The following SLCO5A1 variants were observed in gnomAD, a reference collection of about 807,000 sequenced individuals.
The protein encoded by SLCO5A1 is solute carrier organic anion transporter family member 5A1.
SLCO5A1 carries 39 observed loss-of-function variants against 65.1 expected under a neutral mutation model. The ratio of observed to expected loss-of-function variants is 0.60; its 90% CI spans 0.46 to 0.78. The LOEUF is 0.78. Among genes scored for constraint, SLCO5A1 ranks in the 30% least tolerant of loss-of-function variants. The probability of loss-of-function intolerance (pLI) is 0.00; values close to 1 mark genes in which losing one functional copy is unlikely to be tolerated. For missense variants in SLCO5A1, 1,029 were observed against 1,069.4 expected, an observed-to-expected ratio of 0.96 and a Z score of 0.53; for synonymous variants, 438 against 415.7, an observed-to-expected ratio of 1.05 and a Z score of -0.65.
chr8:69,721,466 C>T (rs997736019), intron 5 of SLCO5A1, among the ~76,000 whole-genome samples: 4 of 152,130 alleles, frequency 2.6e-5, no homozygotes, highest in Non-Finnish European at 2.9e-5. Context: ...TGATTCACCT[C>T]GAATCATTGG....
intron 9 of SLCO5A1, among the ~76,000 whole-genome samples, chr8:69,675,049 A>C (rs1267331202): frequency 1.3e-5 from 2 of 151,552 alleles, no homozygotes; most frequent in Admixed American, 1.3e-4. Flanking sequence ...CCAAAAAAAA[A>C]ATACATATAT....
intron 2 of SLCO5A1, among the ~76,000 whole-genome samples, chr8:69,785,050 GAGAAAGGAAGAA>G (rs950406517): frequency 6.7e-6 from 1 of 150,372 alleles, no homozygotes; most frequent in Non-Finnish European, 1.5e-5. Context: ...GAGAGAGAGA[GAGAAAGGAAGAA>G]AGGAAGGAAG....
At chr8:69,710,710 A>C (rs969046082) in intron 5 of SLCO5A1, among the ~76,000 whole-genome samples, 7 of 152,218 alleles carry the variant, frequency 4.6e-5, no homozygotes, top group African/African-American at 1.7e-4. Flanking sequence ...ATTAAACAGC[A>C]GCATAATTTA....
chr8:69,706,465 A>T (rs1475641213), intron 5 of SLCO5A1, among the ~76,000 whole-genome samples: 1 of 152,162 alleles, frequency 6.6e-6, no homozygotes, highest in African/African-American at 2.4e-5. Flanking sequence ...TAATCCCCAG[A>T]GTGATTAGGA....
In SLCO5A1 at chr8:69,819,714, C is replaced by A. The variant is rs181845928; in HGVS notation, c.907+12053G>T. Among the ~76,000 whole-genome samples the A allele has an allele frequency of 2.7e-4, 41 of 152,282 alleles. 1 individual carries two copies. The East Asian group carries it at 5.0e-3, about 19-fold the overall frequency. On this transcript the variant is annotated intron_variant, in intron 2 of 9. Coordinates refer to ENST00000260126, the MANE Select transcript of SLCO5A1 (RefSeq NM_030958.3). ...CAGTGGCTCACGCCTATAATCCTAGCATTTTGGGAGGCCGAGGTGGGCAGA... is the reference window on the plus strand; with the variant it reads ...CAGTGGCTCACGCCTATAATCCTAGAATTTTGGGAGGCCGAGGTGGGCAGA...
At chr8:69,684,204 G>A (rs909345547) in intron 6 of SLCO5A1, among the ~76,000 whole-genome samples, 2 of 152,046 alleles carry the variant, frequency 1.3e-5, no homozygotes, top group African/African-American at 4.8e-5. Flanking sequence ...TATTATTCTA[G>A]ACTAGTGGGT....
chr8:69,685,981 T>G (rs1813980930), intron 6 of SLCO5A1, among the ~76,000 whole-genome samples: 1 of 152,112 alleles, frequency 6.6e-6, no homozygotes, highest in Non-Finnish European at 1.5e-5. Context: ...CCCTCAAAAA[T>G]CACATTCACA....
At position 69,797,397 on chromosome 8, in the gene SLCO5A1, A is replaced by T. The variant is rs144575923; in HGVS notation, c.907+34370T>A. On this transcript the variant is annotated intron_variant, in intron 2 of 9. Transcript: ENST00000260126. ...TGTAGAGCATGTGTGTTTGAACAAT[A>T]TGAAATCTGGGCACCTTGAAAAAAG... Among the ~76,000 whole-genome samples, 59 of 152,374 alleles carry T rather than the reference A, an allele frequency of 3.9e-4. 1 individual carries two copies. The East Asian group carries it at 0.011, about 28-fold the overall frequency.
chr8:69,690,989 ACAT>A (rs1301085177), intron 6 of SLCO5A1, among the ~76,000 whole-genome samples: 1 of 152,232 alleles, frequency 6.6e-6, no homozygotes, highest in African/African-American at 2.4e-5. Flanking sequence ...CTTTATACAG[ACAT>A]CAGACTTAAC....
At chr8:69,702,548 A>G (rs959849011) in intron 6 of SLCO5A1, among the ~76,000 whole-genome samples, 1 of 152,114 alleles carries the variant, frequency 6.6e-6, no homozygotes, top group East Asian at 1.9e-4. Flanking sequence ...CTGGTAGAAA[A>G]ATAACTCCCA....
intron 2 of SLCO5A1, among the ~76,000 whole-genome samples, chr8:69,827,832 A>G (rs1820987827): frequency 6.6e-6 from 1 of 152,240 alleles, no homozygotes; most frequent in Admixed American, 6.5e-5. Flanking sequence ...AGTCTATCAA[A>G]CCTACTTTAA....
chr8:69,797,095 A>C (rs1819532636), intron 2 of SLCO5A1, among the ~76,000 whole-genome samples: 1 of 152,202 alleles, frequency 6.6e-6, no homozygotes, highest in African/African-American at 2.4e-5. Flanking sequence ...GGACCGGCTG[A>C]AGCCATGGCA....
At chr8:69,714,065 C>T (rs1815399510) in intron 5 of SLCO5A1, among the ~76,000 whole-genome samples, 1 of 152,208 alleles carries the variant, frequency 6.6e-6, no homozygotes, top group African/African-American at 2.4e-5. Flanking sequence ...AGTATACATT[C>T]TCACAAACTA....
chr8:69,767,526 G>A (rs1455069258), intron 2 of SLCO5A1, among the ~76,000 whole-genome samples: 3 of 152,124 alleles, frequency 2.0e-5, no homozygotes, highest in African/African-American at 7.2e-5. Context: ...TTACTCACAG[G>A]TTATCATAGG....
chr8:69,774,214 G>A (rs1314851102), intron 2 of SLCO5A1, among the ~76,000 whole-genome samples: 1 of 152,174 alleles, frequency 6.6e-6, no homozygotes, highest in Non-Finnish European at 1.5e-5. Flanking sequence ...CCTTACATCA[G>A]AGCCTTGAAG....
At chr8:69,736,275 A>G (rs1816549746) in intron 5 of SLCO5A1, among the ~76,000 whole-genome samples, 2 of 152,194 alleles carry the variant, frequency 1.3e-5, no homozygotes, top group Admixed American at 6.5e-5. Flanking sequence ...GCTCCAACTG[A>G]ACCCTTTATT....
chr8:69,683,011 G>C (rs1813848983), intron 6 of SLCO5A1, among the ~76,000 whole-genome samples: 1 of 152,026 alleles, frequency 6.6e-6, no homozygotes. Flanking sequence ...ATCAAATATG[G>C]TGGGTTTCTT....
intron 6 of SLCO5A1, among the ~76,000 whole-genome samples, chr8:69,683,059 C>T (rs191171191): frequency 6.6e-6 from 1 of 151,798 alleles, no homozygotes; most frequent in Non-Finnish European, 1.5e-5. Context: ...AGAAATGATA[C>T]CATATGAAAG....
chr8:69,692,627 T>C (rs1397819992), intron 6 of SLCO5A1, among the ~76,000 whole-genome samples: 1 of 151,522 alleles, frequency 6.6e-6, no homozygotes, highest in Non-Finnish European at 1.5e-5. Flanking sequence ...TTCTATAAAC[T>C]GTTTTCTTTT....
Sources: allele counts gnomAD v4.1 joint callset (sites outside exome capture counted in the v4.1 genomes callset), GRCh38; gene constraint gnomAD v4.1.1; transcripts MANE v1.5; gene names NCBI Gene and HGNC (gene_info 2026-07-23, HGNC 2026-07-21).